DLGAP1: variants seen among roughly 807,000 people sequenced by gnomAD.
DLGAP1 encodes the protein DLG associated protein 1.
In DLGAP1, 11 loss-of-function variants were observed where a neutral mutation model predicts 90.8. The observed-to-expected ratio is 0.12, with a 90% CI of 0.08 to 0.20. DLGAP1 has a LOEUF of 0.20. Ranked by LOEUF, DLGAP1 falls within the 10% of genes least tolerant of loss-of-function variation. The pLI is 1.00. For missense variants in DLGAP1, 1,050 were observed against 1,333.8 expected (o/e 0.79, Z 3.31); for synonymous variants, 558 against 540.7 (o/e 1.03, Z -0.44).
intron 1 of DLGAP1, among the ~76,000 whole-genome samples, chr18:4,377,607 C>A (rs1201159482): frequency 1.3e-5 from 2 of 152,028 alleles, no homozygotes; most frequent in Non-Finnish European, 1.5e-5. Flanking sequence ...CAAAAAAATT[C>A]TTTTATATTG....
At chr18:4,293,213 G>C (rs966908945) in intron 1 of DLGAP1, 2 of 152,194 alleles carry the variant, frequency 1.3e-5, no homozygotes, top group African/African-American at 4.8e-5. Flanking sequence ...CAATAATGAA[G>C]AATGTGATGA....
intron 1 of DLGAP1, among the ~76,000 whole-genome samples, chr18:4,334,967 T>C (rs1237817651): frequency 6.6e-6 from 1 of 151,918 alleles, no homozygotes. Flanking sequence ...CTTTGAACAA[T>C]TGTTAACACT....
chr18:4,001,001 T>C (rs531243454), intron 3 of DLGAP1, among the ~76,000 whole-genome samples: 1 of 152,252 alleles, frequency 6.6e-6, no homozygotes, highest in Admixed American at 6.5e-5. Context: ...TGTTCTTTCA[T>C]TACATTGATT....
intron 2 of DLGAP1, among the ~76,000 whole-genome samples, chr18:4,129,660 C>T (rs1353090041): frequency 6.6e-6 from 1 of 152,140 alleles, no homozygotes; most frequent in African/African-American, 2.4e-5. Context: ...GTTTTAAATT[C>T]CACCTGACCA....
intron 10 of DLGAP1, among the ~76,000 whole-genome samples, chr18:3,523,614 A>T (rs569331338): frequency 6.6e-6 from 1 of 151,920 alleles, no homozygotes; most frequent in Non-Finnish European, 1.5e-5. Flanking sequence ...TTGGGAGGCC[A>T]AGGAGGGCGG....
intron 4 of DLGAP1, among the ~76,000 whole-genome samples, chr18:3,821,410 C>T (rs980928019): frequency 6.1e-5 from 9 of 148,626 alleles, no homozygotes; most frequent in African/African-American, 2.0e-4. Flanking sequence ...CTGATGAATC[C>T]GTGATGATTA....
At chr18:4,322,257 T>C (rs2080710627) in intron 1 of DLGAP1, among the ~76,000 whole-genome samples, 1 of 151,610 alleles carries the variant, frequency 6.6e-6, no homozygotes, top group South Asian at 2.1e-4. Context: ...AAAACTATAA[T>C]AATAAAAACA....
intron 1 of DLGAP1, among the ~76,000 whole-genome samples, chr18:4,232,327 C>T (rs2078316636): frequency 2.0e-5 from 3 of 151,928 alleles, no homozygotes; most frequent in Admixed American, 1.3e-4. Flanking sequence ...TTAAATGTGG[C>T]TAAAGGTATT....
intron 2 of DLGAP1, among the ~76,000 whole-genome samples, chr18:4,111,536 G>A (rs947719834): frequency 6.6e-6 from 1 of 152,158 alleles, no homozygotes; most frequent in Non-Finnish European, 1.5e-5. Flanking sequence ...TAACTTATCA[G>A]TGAAGTCATC....
At chr18:4,389,394 T>C (rs723073) in intron 1 of DLGAP1, among the ~76,000 whole-genome samples, 6,452 of 152,212 alleles carry the variant, frequency 0.042, 431 homozygotes, top group African/African-American at 0.15. Context: ...TTAATGGGCA[T>C]AGAGTTTCAG....
rs529535882 is a variant in DLGAP1 at position 4,340,575 on chromosome 18, C to G, written c.-267+114431G>C. On this transcript the variant is annotated intron_variant, in intron 1 of 12. Transcript: ENST00000315677. ...AAAAACATTTCCACAAACACTATCT[C>G]ATTTAATGTCCACAACAGCCCAGTA... is the stretch of plus-strand genomic sequence containing the variant. Among the ~76,000 whole-genome samples, 6 of 152,018 alleles carry G rather than the reference C, an allele frequency of 3.9e-5. No individual in the cohort carries two copies. The East Asian group carries it at 1.2e-3, about 29-fold the overall frequency.
At chr18:3,751,880 CTTCTTT>C (rs2063510002) in intron 5 of DLGAP1, among the ~76,000 whole-genome samples, 1 of 133,964 alleles carries the variant, frequency 7.5e-6, no homozygotes, top group Non-Finnish European at 1.6e-5. Flanking sequence ...TCTTCTTCTT[CTTCTTT>C]TTTTTTTTTT....
At chr18:3,987,692 A>G (rs928850985) in intron 3 of DLGAP1, among the ~76,000 whole-genome samples, 4 of 152,206 alleles carry the variant, frequency 2.6e-5, no homozygotes, top group Admixed American at 6.5e-5. Flanking sequence ...ACATTCCTAC[A>G]ATGACTATTT....
rs535402223 is a variant in DLGAP1, at chr18:4,427,190, C to T, written c.-267+27816G>A. The stretch of plus-strand genomic sequence containing the variant: ...AACCAAATGGAGCAGAGAGACTGTT[C>T]CCGTGTGGTAGTGATATCATATTGA... On this transcript the variant is annotated intron_variant, in intron 1 of 12. Transcript: ENST00000315677. Among the ~76,000 whole-genome samples the T allele has an allele frequency of 2.4e-4, 36 of 152,198 alleles. 1 individual carries two copies. The highest frequency in any genetic ancestry group is 4.3e-4 in the Non-Finnish European group (29 of 68,012).
intron 3 of DLGAP1, among the ~76,000 whole-genome samples, chr18:3,892,753 C>A (rs2071504333): frequency 6.6e-6 from 1 of 151,908 alleles, no homozygotes; most frequent in Non-Finnish European, 1.5e-5. Context: ...GAAAACATCT[C>A]AATTTAGGAG....
chr18:4,381,481 C>G (rs1349593370), intron 1 of DLGAP1, among the ~76,000 whole-genome samples: 1 of 151,436 alleles, frequency 6.6e-6, no homozygotes, highest in African/African-American at 2.4e-5. Flanking sequence ...GTAAAAGTAT[C>G]TAGATGGGTA....
intron 4 of DLGAP1, among the ~76,000 whole-genome samples, chr18:3,830,348 G>T (rs942620201): frequency 6.6e-6 from 1 of 152,108 alleles, no homozygotes; most frequent in Non-Finnish European, 1.5e-5. Flanking sequence ...GGCGGATCAC[G>T]ATGTCAGGAG....
intron 1 of DLGAP1, among the ~76,000 whole-genome samples, chr18:4,185,346 T>G (rs2077274665): frequency 6.6e-6 from 1 of 152,128 alleles, no homozygotes; most frequent in South Asian, 2.1e-4. Flanking sequence ...TGGGGGTTTG[T>G]TGTACAGATT....
chr18:4,337,742 T>G (rs1033026547), intron 1 of DLGAP1, among the ~76,000 whole-genome samples: 1 of 152,194 alleles, frequency 6.6e-6, no homozygotes, highest in Admixed American at 6.5e-5. Context: ...TAAACATCAC[T>G]GAGAACATTA....
Sources: allele counts gnomAD v4.1 joint callset (sites outside exome capture counted in the v4.1 genomes callset), GRCh38; gene constraint gnomAD v4.1.1; transcripts MANE v1.5; gene names NCBI Gene and HGNC (gene_info 2026-07-23, HGNC 2026-07-21).